The following FHOD1 variants were observed in gnomAD, a reference collection of about 807,000 sequenced individuals.
FHOD1 encodes the protein formin homology 2 domain containing 1.
In FHOD1, 89 loss-of-function variants were observed where a neutral mutation model predicts 111.6. The observed-to-expected ratio is 0.80, with a 90% confidence interval of 0.67 to 0.95. The LOEUF (loss-of-function observed/expected upper bound fraction) is 0.95, where lower values mean the gene tolerates loss of function less well. Among genes scored for constraint, FHOD1 ranks in the 40% least tolerant of loss-of-function variants. The pLI is 0.00. For missense variants in FHOD1, 1,446 were observed against 1,554.2 expected (o/e 0.93, Z 1.17); for synonymous variants, 618 against 639.0 (o/e 0.97, Z 0.50).
rs781253183 is a variant in FHOD1, at chr16:67,237,722, A to T, written c.689T>A (p.Val230Glu). Reference protein sequence around the residue: ...KTALKLLLVFVEYSENNAPLF... With the variant: ...KTALKLLLVFEEYSENNAPLF... Reference sequence around the variant, plus strand: ...CGGTGCGTTGTTTTCGGAGTATTCTACAAACACCAACAGCAGCTTCAGGGC... The same window carrying T: ...CGGTGCGTTGTTTTCGGAGTATTCTTCAAACACCAACAGCAGCTTCAGGGC... Residue 230 changes from valine to glutamate, a missense_variant, in exon 7 of 22, where the codon GTA becomes GAA. By Grantham distance (121) the Val-to-Glu change is moderately radical. This residue lies in a region of FHOD1 where 234 missense variants were observed against 327.4 expected (regional missense o/e 0.71). Coordinates refer to ENST00000258201, the MANE Select transcript of FHOD1 (RefSeq NM_013241.3). The surrounding 1 kb of genome is among the most constrained non-coding windows in gnomAD (Gnocchi z 5.6). 19 of 1,614,090 alleles carry T rather than the reference A, an allele frequency of 1.2e-5. 1 individual carries two copies. In the South Asian group the frequency reaches 1.9e-4, roughly 16 times the overall value.
Position 67,232,134 on chromosome 16 carries a change from T to C in FHOD1, c.2107A>G (p.Ile703Val). 1 of 1,614,180 alleles carries C rather than the reference T, an allele frequency of 6.2e-7. No individual in the cohort carries two copies. The highest frequency in any genetic ancestry group is 8.5e-7 in the Non-Finnish European group (1 of 1,180,014). ...GGCAGTGTGGTTAGGCCGATGTTGATGGCGTTGCTGCGCTTGGGGTCCAGC... is the reference window on the plus strand; with the variant it reads ...GGCAGTGTGGTTAGGCCGATGTTGACGGCGTTGCTGCGCTTGGGGTCCAGC... Reference protein sequence around the residue: ...TVLDPKRSNAINIGLTTLPPV... With the variant: ...TVLDPKRSNAVNIGLTTLPPV... The change falls in exon 14 of 22, where the codon ATC (isoleucine) becomes GTC (valine). Residue 703 changes from isoleucine (I) to valine (V), a missense_variant. By Grantham distance (29) the Ile-to-Val change is conservative (BLOSUM62 3). Around this residue, in one of 3 missense-constraint regions of FHOD1, gnomAD observed 1,085 missense variants for 1,108.8 expected, o/e 0.98. Transcript: ENST00000258201.
In FHOD1 at chr16:67,238,359, C is replaced by CA. The variant is rs752523416; in HGVS notation, c.441+20dup. The CA allele has an allele frequency of 2.7e-5, 43 of 1,614,078 alleles. No homozygotes were observed. The Middle Eastern group carries it at 1.8e-3, about 68-fold the overall frequency. The stretch of plus-strand genomic sequence containing the variant: ...GAAGCTTGGGCTACACACTTACCCC[C>CA]AGCCCACTGCGGGGCCTCACCTGGA... On this transcript the variant is annotated intron_variant, in intron 4 of 21. Transcript: ENST00000258201. The surrounding 1 kb of genome is among the most constrained non-coding windows in gnomAD (Gnocchi z 4.2).
Position 67,247,418 on chromosome 16 carries a change from C to A in FHOD1, c.-8G>T. ...GTCTTCCCCGCCCGCCATGGCTCTG[C>A]GGCCGGCTCACGCAGCGCGCCTCCG... On this transcript the variant is annotated 5_prime_UTR_variant, in exon 1 of 22. Transcript: ENST00000258201. 6.2e-7 allele frequency: 1 copy of A among 1,611,700 alleles called. No homozygotes were observed. The highest frequency in any genetic ancestry group is 8.5e-7 in the Non-Finnish European group (1 of 1,179,186).
rs754043657 is a variant in FHOD1 at position 67,229,779 on chromosome 16, G to T, written c.3412+14C>A. ...GGGTTCAGGTGGGCAGTGGGATTGT[G>T]GGGGGTTACTTACAAGACTTGCGGT... On this transcript the variant is annotated intron_variant, in intron 21 of 21. Coordinates refer to ENST00000258201, the MANE Select transcript of FHOD1 (RefSeq NM_013241.3). The T allele has an allele frequency of 2.2e-5, 36 of 1,613,978 alleles. No homozygotes were observed. The Admixed American group carries it at 3.3e-4, about 15-fold the overall frequency.
rs1597316103 is a variant in FHOD1, at chr16:67,231,317, C to G, written c.2538G>C (p.Lys846Asn). 1 of 1,614,138 alleles carries G rather than the reference C, an allele frequency of 6.2e-7. No individual in the cohort carries two copies. The change falls in exon 17 of 22, where the codon AAG becomes AAC. Residue 846 changes from lysine to asparagine, a missense_variant. Lys to Asn is a moderately conservative substitution (Grantham distance 94). This residue lies in a region of FHOD1 where 1,085 missense variants were observed against 1,108.8 expected (regional missense o/e 0.98). Coordinates refer to ENST00000258201, the MANE Select transcript of FHOD1 (RefSeq NM_013241.3). This position sits in a 1 kb window ranked among gnomAD's most constrained non-coding sequence, Gnocchi z 4.3. ...GCACCGTGTCCTTCACCTCTGACAC[C>G]TTCTCCAGGTAGCTCAGCTCAAAGC... ...SSGFELSYLE[K>N]VSEVKDTVRR... is the part of the protein sequence containing the mutation.
rs1210176725 is a variant in FHOD1 at position 67,233,848 on chromosome 16, C to G, written c.1855G>C (p.Ala619Pro). Residue 619 changes from alanine (A) to proline (P), a missense_variant, in exon 13 of 22, where the codon GCC becomes CCC. By Grantham distance (27) the Ala-to-Pro change is conservative. Coordinates refer to ENST00000258201, the MANE Select transcript of FHOD1 (RefSeq NM_013241.3). ...ACTGTCTTCCTCTTAGTGGGGAGGG[C>G]TGAGCTGTCAGGCACTGAATGGGGA... Reference protein sequence around the residue: ...PLPHSVPDSSALPTKRKTVKL... With the variant: ...PLPHSVPDSSPLPTKRKTVKL... The G allele has an allele frequency of 3.7e-6, 6 of 1,600,940 alleles. No homozygotes were observed. In the East Asian group the frequency reaches 1.4e-4, roughly 36 times the overall value.
Position 67,237,994 on chromosome 16 carries a change from A to G in FHOD1, c.642+40T>C, listed in dbSNP as rs1398056333. On this transcript the variant is annotated intron_variant, in intron 6 of 21. Coordinates refer to ENST00000258201, the MANE Select transcript of FHOD1 (RefSeq NM_013241.3). The surrounding 1 kb of genome is among the most constrained non-coding windows in gnomAD (Gnocchi z 5.6). ...AGGAAACTGAGGCCCAGAGAGAAGC[A>G]ACAGGCAAAGGGTATAAGGCTGAGT... 6 of 1,595,792 alleles carry G rather than the reference A, an allele frequency of 3.8e-6. No homozygotes were observed. The African/African-American group carries it at 8.0e-5, about 21-fold the overall frequency.
In FHOD1 at chr16:67,237,551, T is replaced by C. The variant is rs1597325656; in HGVS notation, c.773A>G (p.Asn258Ser). The change falls in exon 8 of 22, where the codon AAT becomes AGT. Residue 258 changes from asparagine (N) to serine (S), a missense_variant. Coordinates refer to ENST00000258201, the MANE Select transcript of FHOD1 (RefSeq NM_013241.3). This position sits in a 1 kb window ranked among gnomAD's most constrained non-coding sequence, Gnocchi z 5.6. ...ASTTGAPPWA[N>S]LVSILEEKNG... ...CTTCTCCTCCAGGATGGACACCAGA[T>C]TGGCCCAGGGAGGAGCACCTGCCAC... is the stretch of plus-strand genomic sequence containing the variant. The C allele has an allele frequency of 6.2e-7, 1 of 1,614,042 alleles. No individual in the cohort carries two copies. Among genetic ancestry groups the C allele is most frequent in the Non-Finnish European group, 8.5e-7 (1 of 1,179,998 alleles).
In FHOD1 at chr16:67,233,956, G is replaced by A. The variant is rs769839495; in HGVS notation, c.1747C>T (p.Pro583Ser). 1.8e-6 allele frequency: 2 copies of A among 1,125,406 alleles called. No homozygotes were observed. The highest frequency in any genetic ancestry group is 1.3e-5 in the South Asian group (1 of 79,374). 69.7% of individuals were successfully genotyped at this position (1,125,406 alleles called of 1,614,324 possible). A position where few individuals can be genotyped will look rare whatever the true frequency, so the allele number is the denominator to read the frequency against. Residue 583 changes from proline (P) to serine (S), a missense_variant, in exon 13 of 22, where the codon CCC (proline) becomes TCC (serine). Physicochemically the swap from Pro to Ser is moderately conservative, Grantham distance 74. Around this residue, in one of 3 missense-constraint regions of FHOD1, gnomAD observed 1,085 missense variants for 1,108.8 expected, o/e 0.98. Transcript: ENST00000258201. ...GGAGGTGGAAGTGGGGGAGGGGGGG[G>A]TACTCCCGAGAGCAGGGGCAGTGGG... ...SPPLPLLSGV[P>S]PPPPLPPPPP...
chr16:67,234,036 T>TCCTGGTCTTCATCCTCC lies in FHOD1; in HGVS notation c.1650_1666dup (p.Asp556GlyfsTer9). On this transcript the variant is annotated frameshift_variant, in exon 13 of 22. Transcript: ENST00000258201. LOFTEE classifies it high-confidence loss of function. ...CTCCACAGACTCTACATTCAGCATG[T>TCCTGGTCTTCATCCTCC]CCTGGTCTTCATCCTCCCCTAGATC... is the stretch of plus-strand genomic sequence containing the variant. 6.2e-7 allele frequency: 1 copy of TCCTGGTCTTCATCCTCC among 1,613,836 alleles called. No homozygotes were observed.
chr16:67,233,895 G>A lies in FHOD1; in HGVS notation c.1808C>T (p.Pro603Leu). The change falls in exon 13 of 22, where the codon CCT becomes CTT. Residue 603 changes from proline (P) to leucine (L), a missense_variant. Around this residue, in one of 3 missense-constraint regions of FHOD1, gnomAD observed 1,085 missense variants for 1,108.8 expected, o/e 0.98. Coordinates refer to ENST00000258201, the MANE Select transcript of FHOD1 (RefSeq NM_013241.3). ...GGGAAGAGGGGCAGCCAGAGGTAGA[G>A]GTGGAGGTGGTGGGAAGGGGCCTTT... ...PIKGPFPPPP[P>L]LPLAAPLPHS... The A allele has an allele frequency of 6.3e-7, 1 of 1,596,122 alleles. No individual in the cohort carries two copies. The highest frequency in any genetic ancestry group is 1.1e-5 in the South Asian group (1 of 88,808).
rs368888802 is a variant in FHOD1, at chr16:67,230,142, A to G, written c.3138T>C (p.Asp1046=). 8.1e-6 allele frequency: 13 copies of G among 1,614,064 alleles called. No homozygotes were observed. The African/African-American group carries it at 1.6e-4, about 20-fold the overall frequency. ...VAVSSGPGRG[D]ADSHASMKSL... is the part of the protein sequence containing the mutation. ...TCTTCATACTAGCATGACTGTCAGC[A>G]TCTCCCCGGCCTGGCCCGCTGCTCA... Residue 1046 remains aspartate, a synonymous_variant, in exon 20 of 22, where the codon GAT becomes GAC. Coordinates refer to ENST00000258201, the MANE Select transcript of FHOD1 (RefSeq NM_013241.3).
In FHOD1 at chr16:67,231,345, C is replaced by T. The variant is rs750881597; in HGVS notation, c.2510G>A (p.Ser837Asn). The change falls in exon 17 of 22, where the codon AGC becomes AAC. Residue 837 changes from serine (S) to asparagine (N), a missense_variant. This residue lies in a region of FHOD1 where 1,085 missense variants were observed against 1,108.8 expected (regional missense o/e 0.98). Transcript: ENST00000258201. This position sits in a 1 kb window ranked among gnomAD's most constrained non-coding sequence, Gnocchi z 4.3. ...VGNFLNGSQSSGFELSYLEKV... is the reference protein window; with the variant it reads ...VGNFLNGSQSNGFELSYLEKV... ...CTCCAGGTAGCTCAGCTCAAAGCCG[C>T]TGCTCTGAAAGGACCCTTTCTGAGC... The T allele has an allele frequency of 3.7e-6, 6 of 1,614,194 alleles. No homozygotes were observed. The East Asian group carries it at 6.7e-5, about 18-fold the overall frequency.
In FHOD1 at chr16:67,229,473, C is replaced by CAT. The variant is rs1567380421; in HGVS notation, c.*161_*162dup. 9.3e-5 allele frequency: 62 copies of CAT among 666,466 alleles called. No individual in the cohort carries two copies. The highest frequency in any genetic ancestry group is 1.7e-4 in the South Asian group (10 of 58,238). The allele number at this position is 666,466 out of a possible 1,614,324, so 41.3% of individuals were successfully genotyped here. A position where few individuals can be genotyped will look rare whatever the true frequency, so the allele number is the denominator to read the frequency against. ...ACATGCATATGCATGCACACACACACATACACACACACTCACATGCATACA... is the reference window on the plus strand; with the variant it reads ...ACATGCATATGCATGCACACACACACATATACACACACACTCACATGCATACA... On this transcript the variant is annotated 3_prime_UTR_variant, in exon 22 of 22. Coordinates refer to ENST00000258201, the MANE Select transcript of FHOD1 (RefSeq NM_013241.3).
rs2034487323 is a variant in FHOD1, at chr16:67,236,631, T to G, written c.1245A>C (p.Gln415His). 6.2e-7 allele frequency: 1 copy of G among 1,613,350 alleles called. No individual in the cohort carries two copies. The highest frequency in any genetic ancestry group is 8.5e-7 in the Non-Finnish European group (1 of 1,179,772). ...TGGTAGGAAAAAGGTTCACTGAAGCTTGGAGACCGGAGGGAGGGCCCACAG... is the reference window on the plus strand; with the variant it reads ...TGGTAGGAAAAAGGTTCACTGAAGCGTGGAGACCGGAGGGAGGGCCCACAG... The part of the protein sequence containing the change: ...SSPVGPPSGL[Q>H]ASVNLFPTIS... The change falls in exon 11 of 22, where the codon CAA (glutamine) becomes CAC (histidine). Residue 415 changes from glutamine (Q) to histidine (H), a missense_variant. Physicochemically the swap from Gln to His is conservative, Grantham distance 24. Around this residue, in one of 3 missense-constraint regions of FHOD1, gnomAD observed 1,085 missense variants for 1,108.8 expected, o/e 0.98. Coordinates refer to ENST00000258201, the MANE Select transcript of FHOD1 (RefSeq NM_013241.3).
Position 67,237,863 on chromosome 16 carries a change from G to A in FHOD1, c.643-95C>T. 1 of 1,383,162 alleles carries A rather than the reference G, an allele frequency of 7.2e-7. No individual in the cohort carries two copies. Among genetic ancestry groups the A allele is most frequent in the Non-Finnish European group, 1.0e-6 (1 of 977,372 alleles). The allele number at this position is 1,383,162 out of a possible 1,614,324, so 85.7% of individuals were successfully genotyped here. On this transcript the variant is annotated intron_variant, in intron 6 of 21. Transcript: ENST00000258201. This position sits in a 1 kb window ranked among gnomAD's most constrained non-coding sequence, Gnocchi z 5.6. ...GGAAGGGCTGCTGGGGCTGGACCCA[G>A]AGAGAATCTAGGCAGAATGACCCTG...
intron 1 of FHOD1, among the ~76,000 whole-genome samples, chr16:67,240,413 C>T (rs1056187911): frequency 1.3e-5 from 2 of 152,208 alleles, no homozygotes; most frequent in Non-Finnish European, 2.9e-5. Flanking sequence ...GTAATCCCAG[C>T]TACTGCTGGG....
chr16:67,231,719 A>G lies in FHOD1; in HGVS notation c.2303T>C (p.Leu768Pro). Residue 768 changes from leucine (L) to proline (P), a missense_variant, in exon 15 of 22, where the codon CTG becomes CCG. Around this residue, in one of 3 missense-constraint regions of FHOD1, gnomAD observed 1,085 missense variants for 1,108.8 expected, o/e 0.98. Transcript: ENST00000258201. This position sits in a 1 kb window ranked among gnomAD's most constrained non-coding sequence, Gnocchi z 4.3. ...DIPLGPAENF[L>P]MTLASIGGLA... The stretch of plus-strand genomic sequence containing the variant: ...GCCGCCAATGGAGGCAAGAGTCATC[A>G]GGAAGTTCTCGGCTGGGCCCAGGGG... The G allele has an allele frequency of 6.2e-7, 1 of 1,614,216 alleles. No individual in the cohort carries two copies. Among genetic ancestry groups the G allele is most frequent in the Non-Finnish European group, 8.5e-7 (1 of 1,180,028 alleles).
Position 67,237,187 on chromosome 16 carries a change from G to A in FHOD1, c.993+52C>T, listed in dbSNP as rs1487380902. On this transcript the variant is annotated intron_variant, in intron 9 of 21. Transcript: ENST00000258201. This position sits in a 1 kb window ranked among gnomAD's most constrained non-coding sequence, Gnocchi z 5.6. ...GGTGGGGTGGGGCGCTGGGGACTGCGCTTCTCTCTTCCCTCTTTCCAATCC... is the reference window on the plus strand; with the variant it reads ...GGTGGGGTGGGGCGCTGGGGACTGCACTTCTCTCTTCCCTCTTTCCAATCC... 9.3e-6 allele frequency: 15 copies of A among 1,604,494 alleles called. No homozygotes were observed. Among genetic ancestry groups the A allele is most frequent in the Non-Finnish European group, 1.3e-5 (15 of 1,173,390 alleles).
Sources: allele counts gnomAD v4.1 joint callset (sites outside exome capture counted in the v4.1 genomes callset), GRCh38; gene constraint gnomAD v4.1.1; regional missense constraint gnomAD v4.1.1; non-coding constraint Gnocchi (gnomAD v3.1); transcripts MANE v1.5; gene names NCBI Gene and HGNC (gene_info 2026-07-23, HGNC 2026-07-21).